Variants in TECTA observed in about 807,000 individuals in gnomAD.
TECTA encodes alpha-tectorin.
In TECTA, 128 loss-of-function variants were observed where a neutral mutation model predicts 216.8. The ratio of observed to expected loss-of-function variants is 0.59; its 90% CI spans 0.51 to 0.68. The LOEUF is 0.68. TECTA is among the 30% of genes least tolerant of loss of function. The probability of loss-of-function intolerance (pLI) is 0.00; values close to 1 mark genes in which losing one functional copy is unlikely to be tolerated. For synonymous variants in TECTA, 1,089 were observed against 1,117.1 expected (o/e 0.97, Z 0.50); for missense variants, 2,551 against 2,786.2 (o/e 0.92, Z 1.90).
intron 13 of TECTA, among the ~76,000 whole-genome samples, chr11:121,154,840 ATTG>A (rs1466296239): frequency 5.3e-5 from 8 of 152,166 alleles, no homozygotes; most frequent in Admixed American, 2.6e-4. Flanking sequence ...TGCTATTGTT[ATTG>A]TTGTTTTGTT....
Position 121,157,878 on chromosome 11 carries a change from G to A in TECTA, c.4343G>A (p.Arg1448His). 1.9e-6 allele frequency: 3 copies of A among 1,614,198 alleles called. No individual in the cohort carries two copies. The highest frequency in any genetic ancestry group is 2.2e-5 in the South Asian group (2 of 91,090). The change falls in exon 14 of 24, where the codon CGC becomes CAC. Residue 1448 changes from arginine to histidine, a missense_variant. By Grantham distance (29) the Arg-to-His change is conservative. Transcript: ENST00000392793. ...QLFWNSDCTRRCRCFRRNVIQ... is the reference protein window; with the variant it reads ...QLFWNSDCTRHCRCFRRNVIQ... ...TTTTGGAACAGCGACTGCACGCGGC[G>A]CTGCCGCTGTTTCCGTCGCAACGTG...
chr11:121,135,028 C>T (rs565325522), intron 10 of TECTA, among the ~76,000 whole-genome samples: 1 of 152,168 alleles, frequency 6.6e-6, no homozygotes, highest in Non-Finnish European at 1.5e-5. Flanking sequence ...GGCCAGGGCT[C>T]CTACTTGAGA....
intron 7 of TECTA, among the ~76,000 whole-genome samples, chr11:121,120,461 G>C (rs1946546838): frequency 6.6e-6 from 1 of 152,224 alleles, no homozygotes; most frequent in Admixed American, 6.5e-5. Flanking sequence ...GGGTGATGTG[G>C]GGACAGGCAG....
chr11:121,155,613 T>C (rs1946933346), intron 13 of TECTA, among the ~76,000 whole-genome samples: 1 of 152,238 alleles, frequency 6.6e-6, no homozygotes, highest in Non-Finnish European at 1.5e-5. Flanking sequence ...GTAGTTGATA[T>C]CCAGGGTTTT....
chr11:121,125,972 C>T, intron 8 of TECTA, 100 bp downstream of exon 8: 29 of 1,370,412 alleles, frequency 2.1e-5, no homozygotes, highest in Non-Finnish European at 2.9e-5. Flanking sequence ...ACTTGTGACC[C>T]AAGAATGAGG....
chr11:121,136,937 G>T (rs753277544), intron 10 of TECTA, among the ~76,000 whole-genome samples: 1 of 152,218 alleles, frequency 6.6e-6, no homozygotes, highest in Non-Finnish European at 1.5e-5. Context: ...CATGTCGCAG[G>T]TGCTCAATTC....
rs775990050 is a variant in TECTA, at chr11:121,130,178, G to T, written c.2908G>T (p.Glu970Ter). 4 of 1,602,800 alleles carry T rather than the reference G, an allele frequency of 2.5e-6. No homozygotes were observed. The highest frequency in any genetic ancestry group is 3.4e-6 in the Non-Finnish European group (4 of 1,179,986). Residue 970 changes from glutamate (E) to a stop codon, truncating the protein, a stop_gained, in exon 10 of 24, where the codon GAG becomes TAG. Transcript: ENST00000392793. LOFTEE classifies it high-confidence loss of function. ...YASACKNADV[E>*]VGPWRTYDFC... ...AAGCGCCTGCAAGAATGCGGACGTGGAGGTGGGGCCCTGGCGGACCTATGA... is the reference window on the plus strand; with the variant it reads ...AAGCGCCTGCAAGAATGCGGACGTGTAGGTGGGGCCCTGGCGGACCTATGA...
chr11:121,181,170 A>G (rs1048277217), intron 20 of TECTA, among the ~76,000 whole-genome samples: 7 of 152,282 alleles, frequency 4.6e-5, no homozygotes, highest in South Asian at 4.1e-4. Flanking sequence ...TCTCAAAAAA[A>G]ATAATTCTTT....
chr11:121,161,731 C>A (rs1356860588), intron 15 of TECTA, among the ~76,000 whole-genome samples: 2 of 151,062 alleles, frequency 1.3e-5, no homozygotes, highest in Non-Finnish European at 2.9e-5. Context: ...TTGGTTATAT[C>A]AATACCTGTT....
intron 11 of TECTA, among the ~76,000 whole-genome samples, chr11:121,144,773 G>A (rs1476172139): frequency 1.3e-5 from 2 of 152,164 alleles, no homozygotes; most frequent in Non-Finnish European, 2.9e-5. Context: ...GGGTAATGAG[G>A]GGAAGGTGGG....
At chr11:121,136,208 G>T (rs528810549) in intron 10 of TECTA, among the ~76,000 whole-genome samples, 2 of 152,018 alleles carry the variant, frequency 1.3e-5, no homozygotes, top group Non-Finnish European at 2.9e-5. Flanking sequence ...TGATCCACCC[G>T]CCTCAGCCTC....
At position 121,155,627 on chromosome 11, in the gene TECTA, G is replaced by T. The variant is rs1298515368; in HGVS notation, c.4306-2214G>T. On this transcript the variant is annotated intron_variant, in intron 13 of 23. Transcript: ENST00000392793. ...TGTAGTTGATATCCAGGGTTTTGATGTCTCTAGTTAAAGCAGAAAACTGAC... is the reference window on the plus strand; with the variant it reads ...TGTAGTTGATATCCAGGGTTTTGATTTCTCTAGTTAAAGCAGAAAACTGAC... Among the ~76,000 whole-genome samples, 4 of 152,208 alleles carry T rather than the reference G, an allele frequency of 2.6e-5. No homozygotes were observed. In the South Asian group the frequency reaches 8.3e-4, roughly 32 times the overall value.
At chr11:121,102,015 A>C (rs562930173) in intron 1 of TECTA, among the ~76,000 whole-genome samples, 2 of 152,292 alleles carry the variant, frequency 1.3e-5, no homozygotes, top group South Asian at 4.1e-4. Context: ...TTTTATTGTG[A>C]TTCCAACTCT....
chr11:121,125,682 C>T lies in TECTA; in HGVS notation c.1584C>T (p.Asn528=). 1 of 1,610,158 alleles carries T rather than the reference C, an allele frequency of 6.2e-7. No homozygotes were observed. Among genetic ancestry groups the T allele is most frequent in the Non-Finnish European group, 8.5e-7 (1 of 1,176,590 alleles). Residue 528 remains asparagine, a synonymous_variant, in exon 8 of 24, where the codon AAC becomes AAT. Transcript: ENST00000392793. Reference sequence around the variant, plus strand: ...GCTCTGACTACTGCGGCTTCCTCAACAAGACAGACGGCCCTCTGTGGGAGT... The same window carrying T: ...GCTCTGACTACTGCGGCTTCCTCAATAAGACAGACGGCCCTCTGTGGGAGT... The part of the protein sequence containing the change: ...YFGSDYCGFL[N]KTDGPLWECG...
intron 6 of TECTA, among the ~76,000 whole-genome samples, chr11:121,114,459 A>C (rs1028004292): frequency 1.3e-5 from 2 of 152,222 alleles, no homozygotes; most frequent in African/African-American, 4.8e-5. Context: ...GTGTCCAAAA[A>C]TATTTAGAAA....
intron 2 of TECTA, 78 bp downstream of exon 2, chr11:121,102,807 C>A: frequency 8.1e-7 from 1 of 1,230,340 alleles, no homozygotes; most frequent in Non-Finnish European, 1.2e-6. Context: ...ATTGGAACCA[C>A]AATTGTAAGG....
chr11:121,169,696 A>T (rs961441101), intron 20 of TECTA, among the ~76,000 whole-genome samples: 1 of 152,156 alleles, frequency 6.6e-6, no homozygotes, highest in African/African-American at 2.4e-5. Context: ...CATTTTTGTC[A>T]CTCCAATAGT....
intron 20 of TECTA, among the ~76,000 whole-genome samples, chr11:121,179,598 C>G (rs1207807566): frequency 6.6e-6 from 1 of 152,020 alleles, no homozygotes; most frequent in East Asian, 1.9e-4. Context: ...GATTTTCTTT[C>G]CAATGTTGAG....
intron 18 of TECTA, 79 bp downstream of exon 18, chr11:121,166,859 C>A: frequency 6.5e-7 from 1 of 1,535,514 alleles, no homozygotes; most frequent in Non-Finnish European, 8.9e-7. Context: ...GTCCTGAAAA[C>A]CAACTTCAGG....
Sources: allele counts gnomAD v4.1 joint callset (sites outside exome capture counted in the v4.1 genomes callset), GRCh38; gene constraint gnomAD v4.1.1; transcripts MANE v1.5; gene names NCBI Gene and HGNC (gene_info 2026-07-23, HGNC 2026-07-21).